RUFY3: variants seen among roughly 807,000 people sequenced by gnomAD.
RUFY3 encodes the protein RUN and FYVE domain containing 3, also known as protein RUFY3.
RUFY3 carries 34 observed loss-of-function variants against 84.0 expected under a neutral mutation model. The ratio of observed to expected loss-of-function variants is 0.40; its 90% CI spans 0.31 to 0.54. The LOEUF (loss-of-function observed/expected upper bound fraction) is 0.54, where lower values mean the gene tolerates loss of function less well. Among genes scored for constraint, RUFY3 ranks in the 20% least tolerant of loss-of-function variants. The probability of loss-of-function intolerance (pLI) is 0.39; values close to 1 mark genes in which losing one functional copy is unlikely to be tolerated. For synonymous variants in RUFY3, 242 were observed against 252.9 expected (o/e 0.96, Z 0.41); for missense variants, 507 against 736.8 (o/e 0.69, Z 3.61).
At chr4:70,753,494 A>T (rs1431887408) in intron 1 of RUFY3, among the ~76,000 whole-genome samples, 1 of 152,208 alleles carries the variant, frequency 6.6e-6, no homozygotes, top group African/African-American at 2.4e-5. Context: ...GAATTATAAT[A>T]TGCTAGCTAG....
chr4:70,718,329 T>C (rs556965865), upstream of RUFY3, among the ~76,000 whole-genome samples: 6 of 152,354 alleles, frequency 3.9e-5, no homozygotes, highest in South Asian at 1.2e-3. Flanking sequence ...AGTACAAATA[T>C]CCTTTAAGAG....
intron 1 of RUFY3, among the ~76,000 whole-genome samples, chr4:70,714,810 A>C (rs1422057532): frequency 6.6e-6 from 1 of 152,230 alleles, no homozygotes; most frequent in African/African-American, 2.4e-5. Context: ...TTGAGGCAAG[A>C]GGAGGATAAA....
At chr4:70,723,248 A>C (rs1308358798) in intron 1 of RUFY3, among the ~76,000 whole-genome samples, 1 of 152,164 alleles carries the variant, frequency 6.6e-6, no homozygotes, top group Non-Finnish European at 1.5e-5. Flanking sequence ...ACATCTAGGA[A>C]ATGTTTGATA....
At chr4:70,758,814 T>C (rs1578110627) in intron 1 of RUFY3, among the ~76,000 whole-genome samples, 1 of 151,234 alleles carries the variant, frequency 6.6e-6, no homozygotes, top group Admixed American at 6.6e-5. Context: ...CCGAGGCAGG[T>C]AGATCACGAG....
In RUFY3 at chr4:70,793,835, T is replaced by C; in HGVS notation, c.1388T>C (p.Leu463Pro). 6.2e-7 allele frequency: 1 copy of C among 1,614,120 alleles called. No homozygotes were observed. Among genetic ancestry groups the C allele is most frequent in the Admixed American group, 1.7e-5 (1 of 60,020 alleles). Reference sequence around the variant, plus strand: ...CAATCTGCTGAGTTGGACAACCGGCTCTTCAAACAGGACTTTGGAGACAAG... The same window carrying C: ...CAATCTGCTGAGTTGGACAACCGGCCCTTCAAACAGGACTTTGGAGACAAG... Reference protein sequence around the residue: ...SRQSAELDNRLFKQDFGDKIN... With the variant: ...SRQSAELDNRPFKQDFGDKIN... The change falls in exon 13 of 18, where the codon CTC (leucine) becomes CCC (proline). Residue 463 changes from leucine to proline, a missense_variant. This residue lies in a region of RUFY3 where 334 missense variants were observed against 364.1 expected (regional missense o/e 0.92). Coordinates refer to ENST00000381006, the MANE Select transcript of RUFY3 (RefSeq NM_001037442.4).
chr4:70,806,533 C>T lies in RUFY3; in HGVS notation c.1737C>T (p.Cys579=). 2 of 1,614,144 alleles carry T rather than the reference C, an allele frequency of 1.2e-6. No individual in the cohort carries two copies. Among genetic ancestry groups the T allele is most frequent in the Non-Finnish European group, 1.7e-6 (2 of 1,180,004 alleles). The change falls in exon 18 of 18, where the codon TGC becomes TGT. Residue 579 remains cysteine, a synonymous_variant. Transcript: ENST00000381006. ...TCTCATAGAATGTGTGTAAGAACTG[C>T]AGCGGAACCTTCTGTGATGCCTGTT... ...GSLTKNVCKN[C]SGTFCDACST... is the part of the protein sequence containing the mutation.
chr4:70,708,302 G>A (rs760238927), intron 1 of RUFY3, among the ~76,000 whole-genome samples: 1 of 151,878 alleles, frequency 6.6e-6, no homozygotes, highest in African/African-American at 2.4e-5. Flanking sequence ...CTCCCAAGTA[G>A]TTGGGATTAC....
intron 7 of RUFY3, 25 bp from the exon 8 acceptor site, chr4:70,778,343 AC>A (rs1435093980): frequency 7.4e-7 from 1 of 1,348,248 alleles, no homozygotes; most frequent in Non-Finnish European, 1.1e-6. Context: ...TTCAAAAGTG[AC>A]TTTTTTTTCT....
At chr4:70,728,860 G>T (rs186841532) in intron 1 of RUFY3, among the ~76,000 whole-genome samples, 10 of 150,258 alleles carry the variant, frequency 6.7e-5, no homozygotes, top group African/African-American at 2.4e-4. Context: ...AAGGAAATTT[G>T]TTGTGGAGAT....
chr4:70,806,845 T>C lies in RUFY3; in HGVS notation c.*186T>C. ...AATTTTGCTCATTTTCTCTAATGAC[T>C]GTATGAATAAAAGTGAACTTACTTG... On this transcript the variant is annotated 3_prime_UTR_variant, in exon 18 of 18. Transcript: ENST00000381006. The C allele has an allele frequency of 6.8e-6, 4 of 589,342 alleles. No homozygotes were observed. Among genetic ancestry groups the C allele is most frequent in the Non-Finnish European group, 1.1e-5 (4 of 350,102 alleles). The allele number at this position is 589,342 out of a possible 1,614,324, so 36.5% of individuals were successfully genotyped here.
At chr4:70,741,640 T>A in intron 1 of RUFY3, 1 of 1,523,804 alleles carries the variant, frequency 6.6e-7, no homozygotes. Flanking sequence ...CTTGGGAGGA[T>A]TTGACAGATT....
In RUFY3 at chr4:70,807,791, C is replaced by T. The variant is rs1441110356; in HGVS notation, c.*1132C>T. On this transcript the variant is annotated 3_prime_UTR_variant, in exon 18 of 18. Coordinates refer to ENST00000381006, the MANE Select transcript of RUFY3 (RefSeq NM_001037442.4). ...CCGAGATTACAGGCATGAGCCACCA[C>T]ACCTGGCCAAGTTTAATTTGTTCAT... is the stretch of plus-strand genomic sequence containing the variant. 6.6e-6 allele frequency among the ~76,000 whole-genome samples: 1 copy of T among 151,980 alleles called. No homozygotes were observed. Among genetic ancestry groups the T allele is most frequent in the Non-Finnish European group, 1.5e-5 (1 of 68,000 alleles).
chr4:70,713,731 T>C (rs1036173064), intron 1 of RUFY3, among the ~76,000 whole-genome samples: 7 of 152,150 alleles, frequency 4.6e-5, no homozygotes, highest in African/African-American at 1.7e-4. Context: ...TCCACAGACA[T>C]TTATCTACTT....
intron 1 of RUFY3, among the ~76,000 whole-genome samples, chr4:70,707,410 C>CATTTTTAGT (rs1320175020): frequency 6.6e-6 from 1 of 152,132 alleles, no homozygotes; most frequent in Non-Finnish European, 1.5e-5. Context: ...AGGCACCTAC[C>CATTTTTAGT]ATTTTTAGTA....
At chr4:70,794,002 C>G in intron 13 of RUFY3, 98 bp downstream of exon 13, 3 of 1,368,654 alleles carry the variant, frequency 2.2e-6, no homozygotes, top group South Asian at 2.8e-5. Flanking sequence ...CAGGTTGGCT[C>G]TGTCTTTGCA....
At chr4:70,744,379 T>C (rs544228339) in intron 1 of RUFY3, among the ~76,000 whole-genome samples, 1 of 151,582 alleles carries the variant, frequency 6.6e-6, no homozygotes, top group Admixed American at 6.6e-5. Flanking sequence ...TGTATGTATG[T>C]ATGTAGAGAC....
At chr4:70,724,150 A>G (rs1042501166) in intron 1 of RUFY3, among the ~76,000 whole-genome samples, 2 of 152,140 alleles carry the variant, frequency 1.3e-5, no homozygotes, top group African/African-American at 2.4e-5. Flanking sequence ...ATTTTATTCT[A>G]TATTTTCATC....
At chr4:70,773,273 T>G (rs1290934144) in intron 5 of RUFY3, among the ~76,000 whole-genome samples, 1 of 152,246 alleles carries the variant, frequency 6.6e-6, no homozygotes, top group Non-Finnish European at 1.5e-5. Flanking sequence ...TTAAGTATTC[T>G]GTTGACTGTG....
chr4:70,710,896 C>G (rs1386406129), intron 1 of RUFY3, among the ~76,000 whole-genome samples: 1 of 151,086 alleles, frequency 6.6e-6, no homozygotes, highest in African/African-American at 2.4e-5. Flanking sequence ...AACCCCGTCT[C>G]TACTAAAAAT....
Sources: gnomAD v4.1 joint callset for allele counts (sites outside exome capture counted in the v4.1 genomes callset) on GRCh38, gnomAD v4.1.1 for gene constraint, gnomAD v4.1.1 regional missense constraint, MANE v1.5 for transcripts, NCBI Gene and HGNC (gene_info 2026-07-23, HGNC 2026-07-21) for gene names.